The following TENM3 variants were observed in gnomAD, a reference collection of about 807,000 sequenced individuals.
The protein encoded by TENM3 is teneurin-3.
A neutral mutation model predicts 255.1 loss-of-function variants in TENM3; 63 were observed. The ratio of observed to expected loss-of-function variants is 0.25; its 90% confidence interval spans 0.20 to 0.30. TENM3 has a LOEUF of 0.30. Among genes scored for constraint, TENM3 ranks in the 10% least tolerant of loss-of-function variants. The pLI is 1.00. For synonymous variants in TENM3, 1,306 were observed against 1,322.3 expected, an observed-to-expected ratio of 0.99 and a Z score of 0.27; for missense variants, 2,929 against 3,461.1, an observed-to-expected ratio of 0.85 and a Z score of 3.86.
At chr4:181,962,789 G>A in the TENM3 span, among the ~76,000 whole-genome samples, 35 of 152,078 alleles carry the variant, frequency 2.3e-4, no homozygotes, top group African/African-American at 8.0e-4. Flanking sequence ...GGTTCTTAGC[G>A]TCTCAAAATT....
the TENM3 span, among the ~76,000 whole-genome samples, chr4:181,974,579 C>A: frequency 4.6e-5 from 7 of 151,052 alleles, no homozygotes; most frequent in African/African-American, 1.7e-4. Flanking sequence ...AACAAACAAA[C>A]AAAAAAAGAA....
At chr4:182,337,811 G>C (rs1337022901) in intron 2 of TENM3, among the ~76,000 whole-genome samples, 1 of 152,154 alleles carries the variant, frequency 6.6e-6, no homozygotes, top group Non-Finnish European at 1.5e-5. Context: ...CAACACAAAA[G>C]AGTGATCTAC....
chr4:182,365,906 A>G (rs1256374969), intron 3 of TENM3, among the ~76,000 whole-genome samples: 1 of 152,228 alleles, frequency 6.6e-6, no homozygotes, highest in African/African-American at 2.4e-5. Context: ...GTTACTGTAC[A>G]GAATACCGCA....
At chr4:181,508,560 A>G in the TENM3 span, among the ~76,000 whole-genome samples, 2 of 152,216 alleles carry the variant, frequency 1.3e-5, no homozygotes. Context: ...TTGTAATGCT[A>G]TTAATCATTT....
At chr4:182,421,632 G>C (rs1456389795) in intron 3 of TENM3, among the ~76,000 whole-genome samples, 5 of 152,104 alleles carry the variant, frequency 3.3e-5, no homozygotes, top group Admixed American at 1.3e-4. Context: ...ATGTGACAGG[G>C]AGAATCAAAG....
intron 3 of TENM3, among the ~76,000 whole-genome samples, chr4:182,576,296 G>C (rs767397430): frequency 1.3e-5 from 2 of 152,158 alleles, no homozygotes; most frequent in Non-Finnish European, 2.9e-5. Context: ...ATTTGTGTGA[G>C]AGACACACAT....
At chr4:182,041,085 T>C in the TENM3 span, among the ~76,000 whole-genome samples, 2 of 152,212 alleles carry the variant, frequency 1.3e-5, no homozygotes, top group East Asian at 3.8e-4. Flanking sequence ...GTTCACACTG[T>C]AGTGAAACTA....
the TENM3 span, among the ~76,000 whole-genome samples, chr4:181,993,603 T>G: frequency 6.6e-6 from 1 of 152,166 alleles, no homozygotes; most frequent in African/African-American, 2.4e-5. Flanking sequence ...ACCATGAATC[T>G]ATGCCAGTGC....
intron 3 of TENM3, among the ~76,000 whole-genome samples, chr4:182,421,878 A>C (rs72995473): frequency 0.043 from 6,479 of 152,184 alleles, 450 homozygotes; most frequent in African/African-American, 0.15. Context: ...CTTTAGATCT[A>C]CCAGGTTCTT....
chr4:182,019,966 T>C, the TENM3 span, among the ~76,000 whole-genome samples: 1 of 152,106 alleles, frequency 6.6e-6, no homozygotes, highest in Non-Finnish European at 1.5e-5. Context: ...TGAGCCACTG[T>C]GCCTAGCTGG....
intron 3 of TENM3, among the ~76,000 whole-genome samples, chr4:182,567,169 T>C (rs1336633524): frequency 1.3e-5 from 2 of 152,224 alleles, no homozygotes; most frequent in African/African-American, 2.4e-5. Context: ...TTTGTTTACC[T>C]TTTTTGTGAT....
chr4:181,649,730 C>T, the TENM3 span, among the ~76,000 whole-genome samples: 1 of 152,280 alleles, frequency 6.6e-6, no homozygotes. Context: ...TTCGGTACCA[C>T]TTGGAAAATT....
chr4:181,785,708 C>T, the TENM3 span, among the ~76,000 whole-genome samples: 6 of 151,946 alleles, frequency 3.9e-5, no homozygotes, highest in East Asian at 9.7e-4. Context: ...CTCCCCCCAA[C>T]CCCCGCCACT....
chr4:182,324,236 C>T lies in TENM3; in HGVS notation c.216C>T (p.Asp72=), dbSNP rs1259932978. 2.5e-6 allele frequency: 4 copies of T among 1,612,998 alleles called. No homozygotes were observed. Among genetic ancestry groups the T allele is most frequent in the African/African-American group, 1.3e-5 (1 of 74,900 alleles). The change falls in exon 2 of 28, where the codon GAC becomes GAT. Residue 72 remains aspartate (D), a synonymous_variant. Transcript: ENST00000511685. ...AGGATTTGGTTCACAGAGAAGCAGACGAGTTCACTAGACAAGGTGGGTAAC... is the reference window on the plus strand; with the variant it reads ...AGGATTTGGTTCACAGAGAAGCAGATGAGTTCACTAGACAAGGTGGGTAAC... ...RVKDLVHREA[D]EFTRQGQNFT... is the part of the protein sequence containing the mutation.
chr4:181,972,293 C>T, the TENM3 span, among the ~76,000 whole-genome samples: 43 of 151,916 alleles, frequency 2.8e-4, no homozygotes, highest in African/African-American at 1.0e-3. Context: ...GTGGTGCATG[C>T]CTGTAGTCCC....
Position 182,195,668 on chromosome 4 carries a change from A to G in TENM3, c.-76+50914A>G, listed in dbSNP as rs148797002. On this transcript the variant is annotated intron_variant, in intron 1 of 2. Coordinates refer to the TENM3 transcript ENST00000512480. Reference sequence around the variant, plus strand: ...AAAAATATAAAAAAACCTTGAAATAATAGTATAAATACAACTTCGCTACAC... The same window carrying G: ...AAAAATATAAAAAAACCTTGAAATAGTAGTATAAATACAACTTCGCTACAC... Among the ~76,000 whole-genome samples the G allele has an allele frequency of 1.4e-4, 21 of 152,284 alleles. No homozygotes were observed. The East Asian group carries it at 3.5e-3, about 25-fold the overall frequency.
chr4:182,626,888 TTAAAA>T (rs1302449538), intron 4 of TENM3, among the ~76,000 whole-genome samples: 2 of 152,136 alleles, frequency 1.3e-5, no homozygotes, highest in African/African-American at 2.4e-5. Context: ...TGCAACCCTG[TTAAAA>T]TAAGTAAGTC....
chr4:182,273,299 A>G (rs1759771898), intron 1 of TENM3, among the ~76,000 whole-genome samples: 1 of 152,206 alleles, frequency 6.6e-6, no homozygotes. Context: ...TATACATGCT[A>G]TATAGCTGGG....
chr4:182,066,694 A>G, the TENM3 span, among the ~76,000 whole-genome samples: 2 of 151,526 alleles, frequency 1.3e-5, no homozygotes, highest in Admixed American at 6.6e-5. Context: ...GCGGATCACA[A>G]GGTCAGGAGA....
Sources: allele counts gnomAD v4.1 joint callset (sites outside exome capture counted in the v4.1 genomes callset), GRCh38; gene constraint gnomAD v4.1.1; transcripts MANE v1.5; gene names NCBI Gene and HGNC (gene_info 2026-07-23, HGNC 2026-07-21).